The following RGL1 variants were observed in gnomAD, a reference collection of about 807,000 sequenced individuals.
The protein encoded by RGL1 is ral guanine nucleotide dissociation stimulator like 1, also known as ral guanine nucleotide dissociation stimulator-like 1.
Under a neutral mutation model 95.2 loss-of-function variants are expected in RGL1, and 24 were observed. That is an observed-to-expected ratio of 0.25 (90% CI 0.18 to 0.35). The LOEUF is 0.35. Among genes scored for constraint, RGL1 ranks in the 10% least tolerant of loss-of-function variants. RGL1 has a pLI of 1.00. For missense variants in RGL1, 715 were observed against 936.3 expected, an observed-to-expected ratio of 0.76 and a Z score of 3.08; for synonymous variants, 329 against 344.9, an observed-to-expected ratio of 0.95 and a Z score of 0.51.
At chr1:183,762,890 G>A (rs900572042) in intron 2 of RGL1, among the ~76,000 whole-genome samples, 1 of 152,114 alleles carries the variant, frequency 6.6e-6, no homozygotes, top group African/African-American at 2.4e-5. Flanking sequence ...CCATTACTGG[G>A]TATAAACCCA....
exon 2 of RGL1, chr1:183,742,286 G>A: frequency 6.2e-7 from 1 of 1,613,984 alleles, no homozygotes; most frequent in Non-Finnish European, 8.5e-7. Context: ...TAAAGACAGA[G>A]GAGGTAAGAT....
intron 1 of RGL1, among the ~76,000 whole-genome samples, chr1:183,669,401 C>A (rs1417089169): frequency 6.6e-6 from 1 of 152,128 alleles, no homozygotes; most frequent in Non-Finnish European, 1.5e-5. Flanking sequence ...CCTGTTCTTG[C>A]ATGCTATCTA....
intron 1 of RGL1, among the ~76,000 whole-genome samples, chr1:183,714,664 T>C (rs1655502953): frequency 6.6e-6 from 1 of 152,238 alleles, no homozygotes; most frequent in African/African-American, 2.4e-5. Context: ...TGACTGACAG[T>C]AAATTCTTTC....
At chr1:183,891,457 G>C (rs1268910324) in intron 8 of RGL1, among the ~76,000 whole-genome samples, 2 of 152,170 alleles carry the variant, frequency 1.3e-5, no homozygotes, top group African/African-American at 4.8e-5. Flanking sequence ...GCTCAGGAAA[G>C]TTAAGCAGCT....
intron 1 of RGL1, among the ~76,000 whole-genome samples, chr1:183,690,842 C>T (rs1653903494): frequency 6.6e-6 from 1 of 152,030 alleles, no homozygotes; most frequent in Admixed American, 6.6e-5. Context: ...AGCACGTTAG[C>T]ATATTTGAAG....
intron 1 of RGL1, among the ~76,000 whole-genome samples, chr1:183,685,636 CT>C (rs1337606390): frequency 1.3e-5 from 2 of 152,032 alleles, no homozygotes; most frequent in African/African-American, 4.8e-5. Flanking sequence ...GTAATAAAAC[CT>C]AGTATTATAG....
At chr1:183,883,685 T>C (rs1460818759) in intron 5 of RGL1, 101 bp from the exon 6 acceptor site, 2 of 1,328,504 alleles carry the variant, frequency 1.5e-6, no homozygotes, top group Non-Finnish European at 1.1e-6. Context: ...TTCTGGAGGA[T>C]TGGCCCTCTT....
At chr1:183,794,058 A>ACG (rs1291756321) in intron 2 of RGL1, among the ~76,000 whole-genome samples, 1 of 41,164 alleles carries the variant, frequency 2.4e-5, no homozygotes, top group Non-Finnish European at 4.4e-5. Flanking sequence ...AAATGTGGAC[A>ACG]CACACACACA....
intron 2 of RGL1, among the ~76,000 whole-genome samples, chr1:183,758,924 G>C (rs1389529295): frequency 6.6e-6 from 1 of 152,144 alleles, no homozygotes; most frequent in Admixed American, 6.5e-5. Flanking sequence ...GCATAATTGA[G>C]CTCTGTTCCA....
chr1:183,647,449 C>T, intron 1 of RGL1: 1 of 483,508 alleles, frequency 2.1e-6, no homozygotes, highest in Non-Finnish European at 3.2e-6. Flanking sequence ...TTGATACTGC[C>T]ACTTTCAAAA....
chr1:183,816,496 C>A (rs1227247138), intron 2 of RGL1, among the ~76,000 whole-genome samples: 1 of 152,184 alleles, frequency 6.6e-6, no homozygotes, highest in Non-Finnish European at 1.5e-5. Context: ...CAGGAATGAG[C>A]TGAGTTGCTT....
At chr1:183,754,245 G>A (rs1003289323) in intron 2 of RGL1, among the ~76,000 whole-genome samples, 1 of 152,110 alleles carries the variant, frequency 6.6e-6, no homozygotes. Flanking sequence ...CCTTGATGCT[G>A]AGGGAATCAC....
chr1:183,912,892 C>T (rs1668730976), intron 15 of RGL1, among the ~76,000 whole-genome samples: 1 of 152,196 alleles, frequency 6.6e-6, no homozygotes, highest in African/African-American at 2.4e-5. Flanking sequence ...TATCAACCAA[C>T]ATTCTATTGG....
upstream of RGL1, among the ~76,000 whole-genome samples, chr1:183,804,643 G>C (rs188916911): frequency 6.6e-6 from 1 of 152,360 alleles, no homozygotes; most frequent in East Asian, 1.9e-4. Flanking sequence ...CCTGTTGGCA[G>C]TGTGCTGATG....
chr1:183,745,496 A>G (rs903588131), intron 2 of RGL1, among the ~76,000 whole-genome samples: 22 of 152,142 alleles, frequency 1.4e-4, no homozygotes, highest in African/African-American at 4.3e-4. Context: ...TTATTTCACA[A>G]TCTGAAATAG....
At chr1:183,916,926 G>A (rs184928725) in intron 16 of RGL1, among the ~76,000 whole-genome samples, 71 of 152,208 alleles carry the variant, frequency 4.7e-4, no homozygotes, top group Admixed American at 7.2e-4. Flanking sequence ...CACACATGGT[G>A]TATATAGGAT....
intron 3 of RGL1, among the ~76,000 whole-genome samples, chr1:183,863,394 C>T (rs1159099876): frequency 1.3e-5 from 2 of 151,848 alleles, no homozygotes; most frequent in African/African-American, 4.8e-5. Context: ...GGCTTGAACT[C>T]CTGGGCTCAG....
intron 1 of RGL1, among the ~76,000 whole-genome samples, chr1:183,711,128 G>A (rs549589028): frequency 1.3e-4 from 20 of 152,248 alleles, no homozygotes; most frequent in African/African-American, 4.3e-4. Flanking sequence ...GGTCACACAC[G>A]ATGTCTCAAG....
At chr1:183,906,239 T>G (rs1168082452) in intron 13 of RGL1, among the ~76,000 whole-genome samples, 1 of 152,180 alleles carries the variant, frequency 6.6e-6, no homozygotes, top group African/African-American at 2.4e-5. Context: ...TGGGCACCCT[T>G]CCCCACCTAC....
Sources: allele counts gnomAD v4.1 joint callset (sites outside exome capture counted in the v4.1 genomes callset), GRCh38; gene constraint gnomAD v4.1.1; transcripts MANE v1.5; gene names NCBI Gene and HGNC (gene_info 2026-07-23, HGNC 2026-07-21).